Variants in HSPA4 observed in about 807,000 individuals in gnomAD.
HSPA4 encodes the protein heat shock 70 kDa protein 4.
A neutral mutation model predicts 106.2 loss-of-function variants in HSPA4; 25 were observed. The observed-to-expected ratio is 0.24, with a 90% CI of 0.17 to 0.33. The LOEUF (loss-of-function observed/expected upper bound fraction) is 0.33, where lower values mean the gene tolerates loss of function less well. HSPA4 is among the 10% of genes least tolerant of loss of function. The pLI is 1.00. For missense variants in HSPA4, 841 were observed against 996.0 expected (o/e 0.84, Z 2.10); for synonymous variants, 332 against 333.6 (o/e 1.00, Z 0.05).
chr5:133,090,452 AAAAG>A, intron 11 of HSPA4, among the ~76,000 whole-genome samples: 2 of 151,044 alleles, frequency 1.3e-5, no homozygotes, highest in Non-Finnish European at 3.0e-5. Flanking sequence ...AAAAAAAAAA[AAAAG>A]GATGTATATA....
chr5:133,097,435 A>G (rs778151425), intron 15 of HSPA4, 149 bp downstream of exon 15: 3 of 534,036 alleles, frequency 5.6e-6, no homozygotes, highest in South Asian at 3.9e-5. Flanking sequence ...ATTTTTTTAT[A>G]TATTTCTCTA....
intron 13 of HSPA4, among the ~76,000 whole-genome samples, chr5:133,094,643 A>G (rs565832683): frequency 1.2e-4 from 19 of 152,284 alleles, no homozygotes; most frequent in Non-Finnish European, 2.1e-4. Context: ...TGCTTCCCCA[A>G]TGCCTTTGAG....
intron 15 of HSPA4, among the ~76,000 whole-genome samples, chr5:133,099,299 T>A (rs1221278062): frequency 6.6e-6 from 1 of 151,250 alleles, no homozygotes; most frequent in African/African-American, 2.4e-5. Flanking sequence ...CCGGGTAATT[T>A]TTTTTGTATT....
At chr5:133,062,747 A>G (rs1408654665) in intron 1 of HSPA4, among the ~76,000 whole-genome samples, 1 of 152,220 alleles carries the variant, frequency 6.6e-6, no homozygotes, top group Middle Eastern at 3.4e-3. Context: ...AGGGTGTACC[A>G]TGTTTGTTCT....
At chr5:133,052,599 T>C (rs1298446362) in intron 1 of HSPA4, among the ~76,000 whole-genome samples, 4 of 152,224 alleles carry the variant, frequency 2.6e-5, no homozygotes, top group African/African-American at 9.6e-5. Flanking sequence ...GAAGAAAGGC[T>C]TCTGGCCGGT....
At chr5:133,095,599 A>G (rs760675154) in intron 13 of HSPA4, among the ~76,000 whole-genome samples, 1 of 152,184 alleles carries the variant, frequency 6.6e-6, no homozygotes, top group Non-Finnish European at 1.5e-5. Flanking sequence ...TGATCCATAG[A>G]TATTTCATAC....
At chr5:133,055,629 T>C (rs1408038758) in intron 1 of HSPA4, among the ~76,000 whole-genome samples, 3 of 152,146 alleles carry the variant, frequency 2.0e-5, no homozygotes, top group Non-Finnish European at 4.4e-5. Flanking sequence ...CTGGAGGTAC[T>C]GTGGTGAACA....
At chr5:133,101,959 C>G in intron 17 of HSPA4, 81 bp downstream of exon 17, 9 of 1,026,012 alleles carry the variant, frequency 8.8e-6, no homozygotes, top group Non-Finnish European at 1.2e-5. Context: ...CGGAGTCTTG[C>G]TCTGTTGCCC....
rs745998700 is a variant in HSPA4 at position 133,070,488 on chromosome 5, G to A, written c.421G>A (p.Val141Ile). Residue 141 changes from valine to isoleucine, a missense_variant, in exon 4 of 19, where the codon GTT (valine) becomes ATT (isoleucine). Physicochemically the swap from Val to Ile is conservative, Grantham distance 29. This residue lies in a region of HSPA4 where 347 missense variants were observed against 408.7 expected (regional missense o/e 0.85). Coordinates refer to ENST00000304858, the MANE Select transcript of HSPA4 (RefSeq NM_002154.4). ...SVLKKPVVDC[V>I]VSVPCFYTDA... ...TCTTAAGAAGCCTGTAGTTGACTGT[G>A]TTGTTTCGGTGAGTTTGATCCCTAT... The A allele has an allele frequency of 6.2e-6, 10 of 1,613,822 alleles. No individual in the cohort carries two copies. Among genetic ancestry groups the A allele is most frequent in the Non-Finnish European group, 8.5e-6 (10 of 1,179,812 alleles).
chr5:133,090,559 A>G (rs1561584422), intron 11 of HSPA4, among the ~76,000 whole-genome samples: 1 of 151,902 alleles, frequency 6.6e-6, no homozygotes, highest in Non-Finnish European at 1.5e-5. Context: ...GGAAACTCTT[A>G]TCTGGAAATA....
At chr5:133,073,088 T>G in intron 4 of HSPA4, 142 bp from the exon 5 acceptor site, 1 of 580,108 alleles carries the variant, frequency 1.7e-6, no homozygotes, top group Non-Finnish European at 3.0e-6. Flanking sequence ...TTACTAAATA[T>G]TCTAACTTTT....
Position 133,052,018 on chromosome 5 carries a change from C to A in HSPA4, c.-233C>A, listed in dbSNP as rs1042762669. On this transcript the variant is annotated 5_prime_UTR_variant, in exon 1 of 19. Transcript: ENST00000304858. ...TCGTCGCAACGAGATCTTTCGAGAT[C>A]TTCTCCGCCCCCGCTACCGGCGCCT... is the stretch of plus-strand genomic sequence containing the variant. 1 of 546,334 alleles carries A rather than the reference C, an allele frequency of 1.8e-6. No individual in the cohort carries two copies. Among genetic ancestry groups the A allele is most frequent in the Non-Finnish European group, 3.2e-6 (1 of 308,426 alleles). 33.8% of individuals were successfully genotyped at this position (546,334 alleles called of 1,614,324 possible).
intron 11 of HSPA4, chr5:133,090,992 T>C: frequency 1.5e-6 from 1 of 661,418 alleles, no homozygotes; most frequent in Non-Finnish European, 2.8e-6. Flanking sequence ...TGGGGCAGGA[T>C]AAGATAATAA....
At chr5:133,064,099 G>T (rs764244489) in intron 1 of HSPA4, among the ~76,000 whole-genome samples, 1 of 152,236 alleles carries the variant, frequency 6.6e-6, no homozygotes, top group Non-Finnish European at 1.5e-5. Context: ...CTTCAAGCAG[G>T]TTTCAGTTTC....
At chr5:133,097,328 T>C in intron 15 of HSPA4, 42 bp downstream of exon 15, 1 of 1,579,054 alleles carries the variant, frequency 6.3e-7, no homozygotes, top group Non-Finnish European at 8.7e-7. Flanking sequence ...GTGTCTTCTG[T>C]GAACATCTTT....
chr5:133,054,085 AC>A (rs947609548), intron 1 of HSPA4, among the ~76,000 whole-genome samples: 28 of 151,518 alleles, frequency 1.8e-4, no homozygotes, highest in African/African-American at 6.5e-4. Flanking sequence ...AAATTTCCGC[AC>A]CCCCCACCTC....
Position 133,097,229 on chromosome 5 carries a change from T to C in HSPA4, c.1872T>C (p.Tyr624=). 7 of 1,612,786 alleles carry C rather than the reference T, an allele frequency of 4.3e-6. No homozygotes were observed. The highest frequency in any genetic ancestry group is 5.9e-6 in the Non-Finnish European group (7 of 1,178,966). The change falls in exon 15 of 19, where the codon TAT becomes TAC. Residue 624 remains tyrosine (Y), a synonymous_variant. Transcript: ENST00000304858. ...RNDAKNAVEE[Y]VYEMRDKLSG... ...ATGCTAAGAACGCAGTGGAGGAATA[T>C]GTGTATGAAATGAGAGACAAGCTTA... is the stretch of plus-strand genomic sequence containing the variant.
intron 1 of HSPA4, among the ~76,000 whole-genome samples, chr5:133,058,358 G>C (rs1765193675): frequency 6.6e-6 from 1 of 152,120 alleles, no homozygotes; most frequent in Admixed American, 6.6e-5. Flanking sequence ...CCAAGCCTGG[G>C]CAACAGAGTG....
At chr5:133,090,300 G>C (rs187288821) in intron 11 of HSPA4, among the ~76,000 whole-genome samples, 2 of 151,602 alleles carry the variant, frequency 1.3e-5, no homozygotes, top group Non-Finnish European at 2.9e-5. Context: ...GTGTGGTGGC[G>C]GGCGCCTGTA....
Sources: allele counts gnomAD v4.1 joint callset (sites outside exome capture counted in the v4.1 genomes callset), GRCh38; gene constraint gnomAD v4.1.1; regional missense constraint gnomAD v4.1.1; transcripts MANE v1.5; gene names NCBI Gene and HGNC (gene_info 2026-07-23, HGNC 2026-07-21).